Variants in CCDC178 observed in about 807,000 individuals in gnomAD.
CCDC178 encodes coiled-coil domain-containing protein 178.
CCDC178 carries 126 observed loss-of-function variants against 117.4 expected under a neutral mutation model. That is an observed-to-expected ratio of 1.07 (90% confidence interval 0.93 to 1.24). The LOEUF is 1.24. CCDC178 is among the 50% of genes most tolerant of loss of function. The pLI is 0.00. For missense variants in CCDC178, 1,030 were observed against 986.9 expected (o/e 1.04, Z -0.59); for synonymous variants, 283 against 313.4 (o/e 0.90, Z 1.02).
At chr18:33,285,131 T>C (rs2060082867) in intron 12 of CCDC178, among the ~76,000 whole-genome samples, 1 of 152,098 alleles carries the variant, frequency 6.6e-6, no homozygotes, top group African/African-American at 2.4e-5. Context: ...TAAAATCTAA[T>C]TTAAAAAGTG....
chr18:33,019,916 T>G (rs1427880923), intron 21 of CCDC178, among the ~76,000 whole-genome samples: 2 of 354 alleles, frequency 5.6e-3, no homozygotes, highest in African/African-American at 9.4e-3. Context: ...AACTGAGATA[T>G]TATTATTATT....
rs559325540 is a variant in CCDC178 at position 33,215,454 on chromosome 18, G to A, written c.2078+96C>T. ...CACACTACGTTATAATTAAAAATAC[G>A]AACCATTTTAAGAATGCATTTTAAA... On this transcript the variant is annotated intron_variant, in intron 19 of 22. Coordinates refer to ENST00000383096, the MANE Select transcript of CCDC178 (RefSeq NM_001105528.4). The A allele has an allele frequency of 3.6e-4, 266 of 746,704 alleles. No individual in the cohort carries two copies. The African/African-American group carries it at 4.2e-3, about 12-fold the overall frequency. The allele number at this position is 746,704 out of a possible 1,614,324, so 46.3% of individuals were successfully genotyped here.
intron 12 of CCDC178, among the ~76,000 whole-genome samples, chr18:33,283,473 C>A (rs148781053): frequency 0.012 from 1,857 of 152,146 alleles, 21 homozygotes; most frequent in Non-Finnish European, 0.02. Context: ...ACAGAGTAAA[C>A]AGACAACCTA....
chr18:33,284,993 G>T (rs1327597489), intron 12 of CCDC178, among the ~76,000 whole-genome samples: 1 of 151,140 alleles, frequency 6.6e-6, no homozygotes, highest in East Asian at 1.9e-4. Context: ...AAAAGTGAAA[G>T]AATAAGCCTA....
At chr18:33,050,912 G>C (rs1002847076) in intron 21 of CCDC178, among the ~76,000 whole-genome samples, 1 of 151,916 alleles carries the variant, frequency 6.6e-6, no homozygotes, top group Non-Finnish European at 1.5e-5. Context: ...TCATCAATTT[G>C]TTTGTTTGTT....
At chr18:33,264,099 C>T (rs993430567) in intron 14 of CCDC178, among the ~76,000 whole-genome samples, 1 of 151,964 alleles carries the variant, frequency 6.6e-6, no homozygotes, top group African/African-American at 2.4e-5. Flanking sequence ...AATCATAAAA[C>T]AATCTAGCAG....
At position 33,215,600 on chromosome 18, in the gene CCDC178, T is replaced by A. The variant is rs753440368; in HGVS notation, c.2028A>T (p.Lys676Asn). 8 of 1,511,154 alleles carry A rather than the reference T, an allele frequency of 5.3e-6. No individual in the cohort carries two copies. In the East Asian group the frequency reaches 1.8e-4, roughly 33 times the overall value. 93.6% of individuals were successfully genotyped at this position (1,511,154 alleles called of 1,614,324 possible). The change falls in exon 19 of 23, where the codon AAA becomes AAT. Residue 676 changes from lysine to asparagine, a missense_variant. Lys to Asn is a moderately conservative substitution (Grantham distance 94). Transcript: ENST00000383096. ...AACTTTTCTTTTCTTCTTCTTTTGC[T>A]TTTAATTCCTCATTCAATTCATTTA... ...AKINELNEEL[K>N]AKEEEKKSFD...
intron 20 of CCDC178, among the ~76,000 whole-genome samples, chr18:33,174,713 T>A (rs936432123): frequency 2.0e-5 from 3 of 152,218 alleles, no homozygotes; most frequent in Non-Finnish European, 4.4e-5. Context: ...TCAAATTATA[T>A]AAGAACAAAT....
intron 21 of CCDC178, among the ~76,000 whole-genome samples, chr18:33,021,523 A>C (rs953056876): frequency 1.3e-5 from 2 of 152,096 alleles, no homozygotes; most frequent in African/African-American, 4.8e-5. Flanking sequence ...CATGGCGAAC[A>C]CTGTTTCTAC....
At chr18:33,231,741 T>A (rs1393226044) in intron 15 of CCDC178, among the ~76,000 whole-genome samples, 1 of 152,018 alleles carries the variant, frequency 6.6e-6, no homozygotes, top group Non-Finnish European at 1.5e-5. Flanking sequence ...TGTGGGGAGG[T>A]TCTCTGCCCA....
chr18:33,396,117 A>G (rs1053123119), intron 4 of CCDC178, among the ~76,000 whole-genome samples: 2 of 152,156 alleles, frequency 1.3e-5, no homozygotes, highest in Admixed American at 6.6e-5. Context: ...AAAAAAGACA[A>G]ATGACTCATT....
chr18:33,423,959 T>C (rs986404399), intron 2 of CCDC178, among the ~76,000 whole-genome samples: 1 of 152,212 alleles, frequency 6.6e-6, no homozygotes, highest in Non-Finnish European at 1.5e-5. Context: ...TTTCTTTTTA[T>C]CAATGTTATT....
intron 20 of CCDC178, among the ~76,000 whole-genome samples, chr18:33,200,289 T>G (rs1184129290): frequency 1.3e-5 from 2 of 152,218 alleles, no homozygotes; most frequent in African/African-American, 2.4e-5. Context: ...GAGCCATCCT[T>G]AGGCCATTCC....
Position 33,215,703 on chromosome 18 carries a change from A to T in CCDC178, c.1933-8T>A. ...AATTGCTGAGCGTTTACTCTGAAAA[A>T]AAATATACACAAGTGTTTATTTTAA... is the stretch of plus-strand genomic sequence containing the variant. On this transcript the variant is annotated splice_polypyrimidine_tract_variant and splice_region_variant and intron_variant, in intron 18 of 22. Coordinates refer to ENST00000383096, the MANE Select transcript of CCDC178 (RefSeq NM_001105528.4). The T allele has an allele frequency of 6.7e-7, 1 of 1,495,782 alleles. No individual in the cohort carries two copies. Among genetic ancestry groups the T allele is most frequent in the Non-Finnish European group, 8.9e-7 (1 of 1,122,156 alleles). The allele number at this position is 1,495,782 out of a possible 1,614,324, so 92.7% of individuals were successfully genotyped here.
chr18:33,130,111 T>C (rs1239036832), intron 20 of CCDC178, among the ~76,000 whole-genome samples: 9 of 151,988 alleles, frequency 5.9e-5, no homozygotes, highest in Non-Finnish European at 2.9e-5. Flanking sequence ...GATAGACTTA[T>C]GTATTCAGAT....
At chr18:33,299,901 G>C (rs2062154844) in intron 11 of CCDC178, among the ~76,000 whole-genome samples, 1 of 152,054 alleles carries the variant, frequency 6.6e-6, no homozygotes, top group African/African-American at 2.4e-5. Context: ...TATCATATCA[G>C]CCAATTAGGA....
intron 9 of CCDC178, among the ~76,000 whole-genome samples, chr18:33,342,473 T>C (rs964251740): frequency 1.3e-5 from 2 of 152,220 alleles, no homozygotes; most frequent in African/African-American, 4.8e-5. Context: ...ATTTGGGCTG[T>C]GTCCCCACCC....
At chr18:33,162,335 A>T (rs1219819366) in intron 20 of CCDC178, among the ~76,000 whole-genome samples, 10 of 152,234 alleles carry the variant, frequency 6.6e-5, no homozygotes, top group East Asian at 1.9e-4. Context: ...AGTATAATTT[A>T]AAAAAAATAA....
At chr18:33,104,802 T>C (rs1307525833) in intron 20 of CCDC178, among the ~76,000 whole-genome samples, 3 of 151,726 alleles carry the variant, frequency 2.0e-5, no homozygotes, top group Non-Finnish European at 2.9e-5. Context: ...TGGTAACAAA[T>C]GTATGAAATT....
Sources: allele counts gnomAD v4.1 joint callset (sites outside exome capture counted in the v4.1 genomes callset), GRCh38; gene constraint gnomAD v4.1.1; transcripts MANE v1.5; gene names NCBI Gene and HGNC (gene_info 2026-07-23, HGNC 2026-07-21).